ESRRG: variants seen among roughly 807,000 people sequenced by gnomAD.
The protein encoded by ESRRG is estrogen related receptor gamma, also known as estrogen-related receptor gamma.
A neutral mutation model predicts 44.0 loss-of-function variants in ESRRG; 13 were observed. The ratio of observed to expected loss-of-function variants is 0.30; its 90% confidence interval spans 0.19 to 0.47. The LOEUF (loss-of-function observed/expected upper bound fraction) is 0.47. ESRRG is among the 20% of genes least tolerant of loss of function. ESRRG has a pLI of 1.00. For missense variants in ESRRG, 395 were observed against 580.6 expected (o/e 0.68, Z 3.29); for synonymous variants, 215 against 214.6 (o/e 1.00, Z -0.02).
chr1:217,020,581 A>G (rs1256857029), intron 1 of ESRRG, among the ~76,000 whole-genome samples: 1 of 152,194 alleles, frequency 6.6e-6, no homozygotes, highest in African/African-American at 2.4e-5. Flanking sequence ...TGCTTCAAAG[A>G]TGAAAGCACA....
At chr1:217,054,878 G>C (rs1024520182) in intron 1 of ESRRG, among the ~76,000 whole-genome samples, 1 of 152,112 alleles carries the variant, frequency 6.6e-6, no homozygotes, top group African/African-American at 2.4e-5. Context: ...TGTGAGATCT[G>C]AAATTACATT....
At chr1:217,015,972 C>T (rs7516529) in intron 1 of ESRRG, among the ~76,000 whole-genome samples, 12,988 of 151,852 alleles carry the variant, frequency 0.086, 1,465 homozygotes, top group African/African-American at 0.26. Context: ...CTCAGGTGAT[C>T]GAGGGCGGCT....
At chr1:216,752,949 C>T (rs2092159937) in intron 2 of ESRRG, among the ~76,000 whole-genome samples, 1 of 151,528 alleles carries the variant, frequency 6.6e-6, no homozygotes, top group African/African-American at 2.4e-5. Context: ...ATTTTGCTGC[C>T]TTCTCACTAT....
At chr1:216,841,768 T>C (rs2095657230) in intron 2 of ESRRG, among the ~76,000 whole-genome samples, 1 of 152,122 alleles carries the variant, frequency 6.6e-6, no homozygotes, top group Admixed American at 6.5e-5. Context: ...CATAAAACCT[T>C]TGGGAAATGC....
At chr1:216,949,035 T>C (rs2066530235) in intron 1 of ESRRG, among the ~76,000 whole-genome samples, 2 of 152,168 alleles carry the variant, frequency 1.3e-5, no homozygotes, top group Admixed American at 6.6e-5. Flanking sequence ...CTGGATGCTG[T>C]CAGTGAATCA....
chr1:216,798,865 G>C (rs2094541180), intron 2 of ESRRG, among the ~76,000 whole-genome samples: 1 of 152,064 alleles, frequency 6.6e-6, no homozygotes, highest in South Asian at 2.1e-4. Flanking sequence ...TATATGCAAA[G>C]CATTTAAACC....
At chr1:217,127,443 A>G (rs1351168573) in intron 1 of ESRRG, among the ~76,000 whole-genome samples, 1 of 152,222 alleles carries the variant, frequency 6.6e-6, no homozygotes, top group Non-Finnish European at 1.5e-5. Flanking sequence ...CCATAAGAGA[A>G]TGCAGGAGAG....
At chr1:217,013,116 C>A (rs1218187921) in intron 1 of ESRRG, among the ~76,000 whole-genome samples, 1 of 152,210 alleles carries the variant, frequency 6.6e-6, no homozygotes, top group East Asian at 1.9e-4. Context: ...ATCATTTGAA[C>A]TTGATTACCT....
intron 3 of ESRRG, among the ~76,000 whole-genome samples, chr1:216,593,489 G>C (rs575449244): frequency 6.6e-6 from 1 of 152,276 alleles, no homozygotes; most frequent in African/African-American, 2.4e-5. Context: ...GGACAACTAG[G>C]CTAACCACGG....
At chr1:216,757,369 G>GC (rs974290559) in intron 2 of ESRRG, among the ~76,000 whole-genome samples, 29 of 152,034 alleles carry the variant, frequency 1.9e-4, no homozygotes, top group African/African-American at 7.0e-4. Context: ...CTGTGAAAAA[G>GC]CCCATGTTTC....
rs1362762284 is a variant in ESRRG at position 216,820,052 on chromosome 1, TA to T, written c.-14+119529del. Among the ~76,000 whole-genome samples, 25 of 152,286 alleles carry T rather than the reference TA, an allele frequency of 1.6e-4. 1 individual carries two copies. Among genetic ancestry groups the T allele is most frequent in the Admixed American group, 1.2e-3 (19 of 15,284 alleles). ...TTAGGGGAGAAAATAAGCGTTTCTT[TA>T]CAGAGAGAGATCTCACTACATCCAA... On this transcript the variant is annotated intron_variant, in intron 2 of 7. Coordinates refer to the ESRRG transcript ENST00000359162.
intron 1 of ESRRG, among the ~76,000 whole-genome samples, chr1:217,037,410 C>A (rs1354074612): frequency 6.6e-6 from 1 of 152,110 alleles, no homozygotes; most frequent in African/African-American, 2.4e-5. Context: ...TGGATGGCAG[C>A]AAAGAAAGAG....
At chr1:216,955,390 GGATGGTATTCCATTGT>G (rs2067763910) in intron 1 of ESRRG, among the ~76,000 whole-genome samples, 1 of 152,106 alleles carries the variant, frequency 6.6e-6, no homozygotes, top group South Asian at 2.1e-4. Flanking sequence ...TTTTATGGCT[GGATGGTATTCCATTGT>G]GTTGATATAC....
chr1:216,894,542 T>C (rs888387545), intron 2 of ESRRG, among the ~76,000 whole-genome samples: 1 of 152,112 alleles, frequency 6.6e-6, no homozygotes, highest in Non-Finnish European at 1.5e-5. Context: ...CTTTATTAAG[T>C]TCGTTGTCTT....
chr1:216,780,833 G>C (rs1034388277), intron 2 of ESRRG, among the ~76,000 whole-genome samples: 1 of 151,964 alleles, frequency 6.6e-6, no homozygotes, highest in African/African-American at 2.4e-5. Context: ...TGTCCTCTCT[G>C]ATTGTAGCCC....
At chr1:217,012,171 T>C (rs941913735) in intron 1 of ESRRG, among the ~76,000 whole-genome samples, 1 of 152,202 alleles carries the variant, frequency 6.6e-6, no homozygotes, top group African/African-American at 2.4e-5. Flanking sequence ...GCCTCTGATG[T>C]GGACACCGTC....
At chr1:217,135,589 C>A (rs1292271000) in intron 1 of ESRRG, among the ~76,000 whole-genome samples, 1 of 151,776 alleles carries the variant, frequency 6.6e-6, no homozygotes, top group Non-Finnish European at 1.5e-5. Context: ...CTCCTCCCAG[C>A]CTTTTCGCCC....
rs763268140 is a variant in ESRRG at position 216,519,162 on chromosome 1, A to C, written c.1122T>G (p.Leu374=). ...TGTCAGTATGCCAACCTGAATTAGC[A>C]AGAGCTATAGCTTTGAGGGTGACAA... ...EEFVTLKAIA[L]ANSDSMHIED... Residue 374 remains leucine, a synonymous_variant, in exon 6 of 7, where the codon CTT becomes CTG. Coordinates refer to ENST00000408911, the MANE Select transcript of ESRRG (RefSeq NM_001438.4). The C allele has an allele frequency of 9.3e-6, 15 of 1,613,558 alleles. No homozygotes were observed. In the South Asian group the frequency reaches 1.6e-4, roughly 18 times the overall value.
chr1:216,821,546 G>A (rs769787118), intron 2 of ESRRG, among the ~76,000 whole-genome samples: 33 of 151,512 alleles, frequency 2.2e-4, no homozygotes, highest in African/African-American at 8.0e-4. Flanking sequence ...TTAGCCGGGT[G>A]TAGTGGCCTA....
Sources: gnomAD v4.1 joint callset for allele counts (sites outside exome capture counted in the v4.1 genomes callset) on GRCh38, gnomAD v4.1.1 for gene constraint, MANE v1.5 for transcripts, NCBI Gene and HGNC (gene_info 2026-07-23, HGNC 2026-07-21) for gene names.